The following CAMLG variants were observed in gnomAD, a reference collection of about 807,000 sequenced individuals.
CAMLG encodes the protein guided entry of tail-anchored proteins factor CAMLG.
Under a neutral mutation model 28.9 loss-of-function variants are expected in CAMLG, and 23 were observed. That is an observed-to-expected ratio of 0.80 (90% confidence interval 0.57 to 1.13). The LOEUF (loss-of-function observed/expected upper bound fraction) is 1.13, where lower values mean the gene tolerates loss of function less well. Among genes scored for constraint, CAMLG ranks in the 50% most tolerant of loss-of-function variants. CAMLG has a pLI of 0.00. For missense variants in CAMLG, 367 were observed against 371.9 expected (o/e 0.99, Z 0.11); for synonymous variants, 141 against 146.5 (o/e 0.96, Z 0.27).
At chr5:134,740,883 C>T (rs1178402480) in intron 1 of CAMLG, among the ~76,000 whole-genome samples, 180 bp from the exon 2 acceptor site, 1 of 152,240 alleles carries the variant, frequency 6.6e-6, no homozygotes, top group Non-Finnish European at 1.5e-5. Flanking sequence ...GTTGGGATTA[C>T]AGGCGTGAGC....
intron 2 of CAMLG, among the ~76,000 whole-genome samples, chr5:134,742,039 TTTACA>T (rs1357438172): frequency 6.6e-6 from 1 of 152,090 alleles, no homozygotes; most frequent in Non-Finnish European, 1.5e-5. Context: ...ATAACAACTA[TTTACA>T]TTGCATTAGG....
intron 3 of CAMLG, among the ~76,000 whole-genome samples, chr5:134,746,568 G>A (rs781244431): frequency 5.3e-5 from 8 of 151,886 alleles, no homozygotes; most frequent in Non-Finnish European, 1.0e-4. Context: ...TGCAGCCTCC[G>A]CCTCCTGTGT....
intron 1 of CAMLG, among the ~76,000 whole-genome samples, chr5:134,738,994 C>T (rs536873662): frequency 9.9e-5 from 15 of 152,200 alleles, no homozygotes; most frequent in African/African-American, 3.1e-4. Context: ...TCAATTTTCC[C>T]GGGGCCTCGC....
chr5:134,745,892 A>T (rs1320883079), intron 3 of CAMLG, among the ~76,000 whole-genome samples: 3 of 151,202 alleles, frequency 2.0e-5, no homozygotes, highest in Non-Finnish European at 4.4e-5. Context: ...TAATCCCAGC[A>T]CTTTGGGAGG....
At position 134,741,458 on chromosome 5, in the gene CAMLG, A is replaced by G; in HGVS notation, c.568A>G (p.Ile190Val). The G allele has an allele frequency of 3.1e-6, 5 of 1,614,150 alleles. No homozygotes were observed. Among genetic ancestry groups the G allele is most frequent in the Admixed American group, 1.7e-5 (1 of 60,016 alleles). The change falls in exon 2 of 4, where the codon ATA becomes GTA. Residue 190 changes from isoleucine to valine, a missense_variant. By Grantham distance (29) the Ile-to-Val change is conservative. Coordinates refer to ENST00000297156, the MANE Select transcript of CAMLG (RefSeq NM_001745.4). ...NTTEEFDSFRIFRLVGCALLA... is the reference protein window; with the variant it reads ...NTTEEFDSFRVFRLVGCALLA... ...AACAGAAGAATTTGACTCTTTTCGA[A>G]TATTTAGATTGGTGGGATGTGCTCT...
intron 3 of CAMLG, among the ~76,000 whole-genome samples, chr5:134,744,934 T>C (rs1268607149): frequency 6.6e-6 from 1 of 152,152 alleles, no homozygotes; most frequent in Non-Finnish European, 1.5e-5. Context: ...ACATAGACGA[T>C]AGCCTAACTA....
chr5:134,742,548 C>G (rs544458717), intron 2 of CAMLG, among the ~76,000 whole-genome samples: 2 of 152,232 alleles, frequency 1.3e-5, no homozygotes, highest in Admixed American at 1.3e-4. Context: ...CCTAATATAT[C>G]ATAATGAGTC....
chr5:134,751,145 T>G lies in CAMLG; in HGVS notation c.*195T>G, dbSNP rs1044794. ...GGCTGAGTTTGTATTATTACTGATA[T>G]GAAGAATAGAGTACCAATGTCATTA... On this transcript the variant is annotated 3_prime_UTR_variant, in exon 4 of 4. Transcript: ENST00000297156. 3,022 of 500,656 alleles carry G rather than the reference T, an allele frequency of 6.0e-3. 17 individuals carry two copies. The highest frequency in any genetic ancestry group is 0.016 in the Middle Eastern group (30 of 1,890). 31.0% of individuals were successfully genotyped at this position (500,656 alleles called of 1,614,324 possible).
intron 1 of CAMLG, among the ~76,000 whole-genome samples, chr5:134,740,788 T>G (rs1002970622): frequency 6.6e-6 from 1 of 152,146 alleles, no homozygotes; most frequent in African/African-American, 2.4e-5. Flanking sequence ...TTTTGTATTT[T>G]TAGTAGAGAC....
Position 134,750,756 on chromosome 5 carries a change from CAG to C in CAMLG, c.700_701del. 1.2e-6 allele frequency: 2 copies of C among 1,605,884 alleles called. No homozygotes were observed. The highest frequency in any genetic ancestry group is 1.7e-6 in the Non-Finnish European group (2 of 1,173,118). ...AGATTAATTTGAGTCTTTCTCTACA[CAG>C]AGTGAAAAGAAGATAAAGACAACAG... On this transcript the variant is annotated splice_acceptor_variant, in intron 3 of 3. Coordinates refer to ENST00000297156, the MANE Select transcript of CAMLG (RefSeq NM_001745.4). LOFTEE classifies it high-confidence loss of function.
At position 134,751,211 on chromosome 5, in the gene CAMLG, T is replaced by C. The variant is rs1440385866; in HGVS notation, c.*261T>C. ...TAATCAGAATTCCTATTCTGTACCT[T>C]TCCTCTAACTTCTCAGATTTGTAAT... On this transcript the variant is annotated 3_prime_UTR_variant, in exon 4 of 4. Transcript: ENST00000297156. 3.5e-6 allele frequency: 1 copy of C among 289,584 alleles called. No homozygotes were observed. The highest frequency in any genetic ancestry group is 6.5e-6 in the Non-Finnish European group (1 of 154,980). 17.9% of individuals were successfully genotyped at this position (289,584 alleles called of 1,614,324 possible).
chr5:134,745,962 A>G (rs1338288342), intron 3 of CAMLG, among the ~76,000 whole-genome samples: 1 of 150,780 alleles, frequency 6.6e-6, no homozygotes, highest in Non-Finnish European at 1.5e-5. Context: ...AACATGGAGA[A>G]ACCCCGTCTC....
intron 3 of CAMLG, among the ~76,000 whole-genome samples, chr5:134,747,470 A>C (rs961725511): frequency 4.0e-5 from 6 of 151,842 alleles, no homozygotes; most frequent in Non-Finnish European, 7.4e-5. Context: ...CAGCTTCCCA[A>C]GTAGCTGGGA....
intron 3 of CAMLG, among the ~76,000 whole-genome samples, chr5:134,745,748 C>A (rs1451150593): frequency 4.3e-5 from 6 of 139,890 alleles, no homozygotes; most frequent in Non-Finnish European, 9.2e-5. Flanking sequence ...GCGAGACTGT[C>A]TCAAAAAAAA....
At chr5:134,749,858 T>C (rs1253749420) in intron 3 of CAMLG, among the ~76,000 whole-genome samples, 1 of 152,114 alleles carries the variant, frequency 6.6e-6, no homozygotes, top group Non-Finnish European at 1.5e-5. Context: ...GACTACAGGC[T>C]CATGCTCAGC....
In CAMLG at chr5:134,741,446, G is replaced by A; in HGVS notation, c.556G>A (p.Asp186Asn). 1 of 1,614,070 alleles carries A rather than the reference G, an allele frequency of 6.2e-7. No homozygotes were observed. The highest frequency in any genetic ancestry group is 8.5e-7 in the Non-Finnish European group (1 of 1,179,924). Residue 186 changes from aspartate to asparagine, a missense_variant, in exon 2 of 4, where the codon GAC (aspartate) becomes AAC (asparagine). Asp to Asn is a conservative substitution (Grantham distance 23, BLOSUM62 1). Coordinates refer to ENST00000297156, the MANE Select transcript of CAMLG (RefSeq NM_001745.4). ...QEDGNTTEEFDSFRIFRLVGC... is the reference protein window; with the variant it reads ...QEDGNTTEEFNSFRIFRLVGC... ...GGATGGAAATACAACAGAAGAATTTGACTCTTTTCGAATATTTAGATTGGT... is the reference window on the plus strand; with the variant it reads ...GGATGGAAATACAACAGAAGAATTTAACTCTTTTCGAATATTTAGATTGGT...
intron 2 of CAMLG, among the ~76,000 whole-genome samples, chr5:134,742,750 C>CT (rs879560904): frequency 2.2e-4 from 32 of 146,806 alleles, no homozygotes; most frequent in South Asian, 6.5e-4. Flanking sequence ...TTTTGTAAAT[C>CT]TTTTTTTTTT....
intron 2 of CAMLG, among the ~76,000 whole-genome samples, chr5:134,742,513 T>C (rs978957891): frequency 6.6e-6 from 1 of 152,192 alleles, no homozygotes; most frequent in Non-Finnish European, 1.5e-5. Context: ...AATCTTCCTA[T>C]GGTTCAGAAG....
intron 3 of CAMLG, among the ~76,000 whole-genome samples, chr5:134,750,070 G>A (rs1475308987): frequency 2.0e-5 from 3 of 152,146 alleles, no homozygotes; most frequent in African/African-American, 7.2e-5. Flanking sequence ...ATAAAACACT[G>A]GAGTAATTTA....
Sources: allele counts gnomAD v4.1 joint callset (sites outside exome capture counted in the v4.1 genomes callset), GRCh38; gene constraint gnomAD v4.1.1; transcripts MANE v1.5; gene names NCBI Gene and HGNC (gene_info 2026-07-23, HGNC 2026-07-21).